The following SLC2A13 variants were observed in gnomAD, a reference collection of about 807,000 sequenced individuals.
SLC2A13 encodes the protein proton myo-inositol cotransporter.
In SLC2A13, 32 loss-of-function variants were observed where a neutral mutation model predicts 64.4. The observed-to-expected ratio is 0.50, with a 90% CI of 0.37 to 0.67. SLC2A13 has a LOEUF of 0.67. SLC2A13 is among the 30% of genes least tolerant of loss of function. The pLI is 0.00. For synonymous variants in SLC2A13, 338 were observed against 327.1 expected (o/e 1.03, Z -0.36); for missense variants, 743 against 829.2 (o/e 0.90, Z 1.28).
Position 39,756,918 on chromosome 12 carries a change from T to C in SLC2A13, c.*3108A>G, listed in dbSNP as rs992687613. ...ATAGCATTTTGTATCAGGGAACTAC[T>C]GTGTATGGCTGGGAACAAAATTTAA... On this transcript the variant is annotated 3_prime_UTR_variant, in exon 10 of 10. Coordinates refer to ENST00000280871, the MANE Select transcript of SLC2A13 (RefSeq NM_052885.4). The C allele has an allele frequency of 5.3e-5, 8 of 151,604 alleles. No individual in the cohort carries two copies. The highest frequency in any genetic ancestry group is 1.9e-4 in the African/African-American group (8 of 41,400). 9.4% of individuals were successfully genotyped at this position (151,604 alleles called of 1,614,324 possible).
intron 4 of SLC2A13, among the ~76,000 whole-genome samples, chr12:39,911,523 G>T (rs375866987): frequency 6.6e-6 from 1 of 152,066 alleles, no homozygotes; most frequent in South Asian, 2.1e-4. Context: ...CATAAAAGGG[G>T]ATTTAATACA....
At chr12:40,026,481 T>C (rs1046143044) in intron 3 of SLC2A13, among the ~76,000 whole-genome samples, 1 of 152,160 alleles carries the variant, frequency 6.6e-6, no homozygotes, top group South Asian at 2.1e-4. Flanking sequence ...ATTCATTTGG[T>C]TATATATTCC....
chr12:39,980,983 C>G (rs1946882252), intron 3 of SLC2A13, among the ~76,000 whole-genome samples: 1 of 151,666 alleles, frequency 6.6e-6, no homozygotes, highest in South Asian at 2.1e-4. Flanking sequence ...TCTCTCAGAC[C>G]ACAGTGCAAT....
At chr12:39,842,451 C>A (rs1185927222) in intron 6 of SLC2A13, among the ~76,000 whole-genome samples, 1 of 151,980 alleles carries the variant, frequency 6.6e-6, no homozygotes, top group Non-Finnish European at 1.5e-5. Flanking sequence ...ATTGAGAAAA[C>A]TGATCAGCAT....
At chr12:39,792,815 C>A (rs201583637) in intron 7 of SLC2A13, among the ~76,000 whole-genome samples, 1,512 of 125,760 alleles carry the variant, frequency 0.012, 40 homozygotes, top group Non-Finnish European at 9.6e-3. Flanking sequence ...AAAAAAAAAA[C>A]CCCACATAAA....
intron 3 of SLC2A13, among the ~76,000 whole-genome samples, chr12:40,010,395 T>TA (rs1947508337): frequency 6.6e-6 from 1 of 152,174 alleles, no homozygotes; most frequent in Admixed American, 6.6e-5. Flanking sequence ...TTTATCACCC[T>TA]AAAATATATA....
rs182798890 is a variant in SLC2A13, at chr12:39,803,797, G to A, written c.1445+26306C>T. Among the ~76,000 whole-genome samples, 12 of 152,256 alleles carry A rather than the reference G, an allele frequency of 7.9e-5. No homozygotes were observed. In the East Asian group the frequency reaches 2.3e-3, roughly 29 times the overall value. ...CGGAATTCCAAAAGGACAGAAGAGAGATAATATGGTAAGTAATATCTGAAA... is the reference window on the plus strand; with the variant it reads ...CGGAATTCCAAAAGGACAGAAGAGAAATAATATGGTAAGTAATATCTGAAA... On this transcript the variant is annotated intron_variant, in intron 7 of 9. Coordinates refer to ENST00000280871, the MANE Select transcript of SLC2A13 (RefSeq NM_052885.4).
At chr12:40,002,347 A>G (rs1343561763) in intron 3 of SLC2A13, among the ~76,000 whole-genome samples, 1 of 152,156 alleles carries the variant, frequency 6.6e-6, no homozygotes, top group African/African-American at 2.4e-5. Flanking sequence ...CAAAGTCCCA[A>G]TTCACACCCA....
At position 39,968,760 on chromosome 12, in the gene SLC2A13, G is replaced by GTTTATATATA. The variant is rs1555144118; in HGVS notation, c.926-17396_926-17395insTATATATAAA. On this transcript the variant is annotated intron_variant, in intron 3 of 9. Coordinates refer to ENST00000280871, the MANE Select transcript of SLC2A13 (RefSeq NM_052885.4). ...TTTTTATTTTTGTTGTTTTTTTTTGGTATATATATATATATATATATATAT... is the reference window on the plus strand; with the variant it reads ...TTTTTATTTTTGTTGTTTTTTTTTGGTTTATATATATATATATATATATATATATATATAT... Among the ~76,000 whole-genome samples, 141 of 59,830 alleles carry GTTTATATATA rather than the reference G, an allele frequency of 2.4e-3. 7 individuals are homozygous for GTTTATATATA. Among genetic ancestry groups the GTTTATATATA allele is most frequent in the Non-Finnish European group, 4.1e-3 (90 of 21,996 alleles). 39.3% of individuals were successfully genotyped at this position (59,830 alleles called of 152,430 possible). A position where few individuals can be genotyped will look rare whatever the true frequency, so the allele number is the denominator to read the frequency against.
chr12:39,781,391 G>GA (rs567582770), intron 7 of SLC2A13, among the ~76,000 whole-genome samples: 1 of 6,286 alleles, frequency 1.6e-4, no homozygotes, highest in African/African-American at 2.0e-3. Context: ...AGTCTGGCCT[G>GA]CCCCCTCCAG....
At chr12:40,083,152 T>G (rs1938470560) in intron 1 of SLC2A13, among the ~76,000 whole-genome samples, 1 of 152,192 alleles carries the variant, frequency 6.6e-6, no homozygotes, top group Non-Finnish European at 1.5e-5. Context: ...AGTTCTGTAC[T>G]CAAAACATTT....
intron 3 of SLC2A13, among the ~76,000 whole-genome samples, chr12:40,020,701 T>G (rs1197671276): frequency 6.6e-6 from 1 of 152,194 alleles, no homozygotes; most frequent in East Asian, 1.9e-4. Context: ...AAAAGGGTTT[T>G]CTTCAGGACC....
At chr12:40,051,222 C>A (rs1948247653) in intron 1 of SLC2A13, among the ~76,000 whole-genome samples, 1 of 152,050 alleles carries the variant, frequency 6.6e-6, no homozygotes, top group African/African-American at 2.4e-5. Context: ...TGACAATGAC[C>A]AGGTGGTAGT....
intron 4 of SLC2A13, 35 bp downstream of exon 4, chr12:39,951,222 A>G (rs1946223173): frequency 6.4e-7 from 1 of 1,553,756 alleles, no homozygotes; most frequent in Non-Finnish European, 8.9e-7. Flanking sequence ...TCCTTTCACA[A>G]TCTTTTCAGT....
chr12:39,827,541 G>A (rs1383178075), intron 7 of SLC2A13, among the ~76,000 whole-genome samples: 1 of 152,124 alleles, frequency 6.6e-6, no homozygotes, highest in African/African-American at 2.4e-5. Context: ...CTTTTGTGAC[G>A]CTTGGGGATT....
At chr12:39,861,535 G>T (rs566182549) in intron 6 of SLC2A13, among the ~76,000 whole-genome samples, 1 of 152,140 alleles carries the variant, frequency 6.6e-6, no homozygotes, top group South Asian at 2.1e-4. Flanking sequence ...TGAGGGAAGC[G>T]TACATAGGAA....
intron 6 of SLC2A13, among the ~76,000 whole-genome samples, chr12:39,845,013 A>T (rs1943269643): frequency 6.6e-6 from 1 of 152,070 alleles, no homozygotes; most frequent in Admixed American, 6.6e-5. Context: ...ACCACTTGAT[A>T]AAGTTAAAAA....
chr12:39,864,532 A>C (rs1943852441), intron 6 of SLC2A13, among the ~76,000 whole-genome samples: 1 of 152,144 alleles, frequency 6.6e-6, no homozygotes, highest in African/African-American at 2.4e-5. Flanking sequence ...CATCACCAAG[A>C]TTGTGTCTAA....
chr12:39,957,432 C>A (rs1339088344), intron 3 of SLC2A13, among the ~76,000 whole-genome samples: 1 of 152,154 alleles, frequency 6.6e-6, no homozygotes, highest in Non-Finnish European at 1.5e-5. Flanking sequence ...GCTATAGTAA[C>A]AAACATACTC....
Sources: gnomAD v4.1 joint callset for allele counts (sites outside exome capture counted in the v4.1 genomes callset) on GRCh38, gnomAD v4.1.1 for gene constraint, MANE v1.5 for transcripts, NCBI Gene and HGNC (gene_info 2026-07-23, HGNC 2026-07-21) for gene names.